LRRC3B: variants seen among roughly 807,000 people sequenced by gnomAD.
The protein encoded by LRRC3B is leucine-rich repeat-containing protein 3B.
A neutral mutation model predicts 12.8 loss-of-function variants in LRRC3B; 2 were observed. That is an observed-to-expected ratio of 0.16 (90% CI 0.06 to 0.49). The LOEUF (loss-of-function observed/expected upper bound fraction) is 0.49. Ranked by LOEUF, LRRC3B falls within the 20% of genes least tolerant of loss-of-function variation. The pLI, the probability that LRRC3B is intolerant of heterozygous loss-of-function variation, is 0.96. For synonymous variants in LRRC3B, 132 were observed against 122.0 expected (o/e 1.08, Z -0.54); for missense variants, 189 against 319.4 (o/e 0.59, Z 3.11).
rs181326774 is a variant in LRRC3B, at chr3:26,672,621, G to A, written c.-160-36892G>A. 3.3e-5 allele frequency among the ~76,000 whole-genome samples: 5 copies of A among 152,244 alleles called. No individual in the cohort carries two copies. In the East Asian group the frequency reaches 7.7e-4, roughly 23 times the overall value. On this transcript the variant is annotated intron_variant, in intron 1 of 1. Coordinates refer to ENST00000396641, the Ensembl canonical transcript of LRRC3B. ...GTAATAACCATTTTTATTGTTAAACGTAAAATCTCAAATTTATTATCCAGT... is the reference window on the plus strand; with the variant it reads ...GTAATAACCATTTTTATTGTTAAACATAAAATCTCAAATTTATTATCCAGT...
At chr3:26,704,658 T>G (rs1700540870) in intron 1 of LRRC3B, among the ~76,000 whole-genome samples, 1 of 152,110 alleles carries the variant, frequency 6.6e-6, no homozygotes, top group Non-Finnish European at 1.5e-5. Context: ...CCTCAATCTA[T>G]CTCATAAGTA....
chr3:26,689,709 GT>G (rs374432853), intron 1 of LRRC3B, among the ~76,000 whole-genome samples: 11 of 152,258 alleles, frequency 7.2e-5, no homozygotes, highest in African/African-American at 2.6e-4. Flanking sequence ...GGACTTTTAG[GT>G]TCTTGAGAGG....
chr3:26,644,800 A>G (rs1699107410), intron 1 of LRRC3B, among the ~76,000 whole-genome samples: 1 of 152,190 alleles, frequency 6.6e-6, no homozygotes, highest in African/African-American at 2.4e-5. Context: ...GTCTTAAGAG[A>G]TTCATATTGA....
At chr3:26,666,149 C>T (rs1024365181) in intron 1 of LRRC3B, among the ~76,000 whole-genome samples, 41 of 152,044 alleles carry the variant, frequency 2.7e-4, no homozygotes, top group Middle Eastern at 6.8e-3. Flanking sequence ...TGCAAGAGTA[C>T]TGAGTATGAT....
intron 1 of LRRC3B, among the ~76,000 whole-genome samples, chr3:26,663,220 A>G (rs1228165480): frequency 6.6e-6 from 1 of 152,150 alleles, no homozygotes; most frequent in Admixed American, 6.5e-5. Flanking sequence ...TTTTTGTGCC[A>G]GAGTTAGGTA....
intron 1 of LRRC3B, among the ~76,000 whole-genome samples, chr3:26,700,850 CT>C (rs1700435886): frequency 6.6e-6 from 1 of 152,148 alleles, no homozygotes; most frequent in Admixed American, 6.6e-5. Context: ...TATATAACCT[CT>C]TTAAGCCTCA....
chr3:26,708,693 A>G (rs1327942540), intron 1 of LRRC3B, among the ~76,000 whole-genome samples: 4 of 152,214 alleles, frequency 2.6e-5, no homozygotes, highest in African/African-American at 9.6e-5. Context: ...CCCTGCCAAC[A>G]CTAACAGTAT....
chr3:26,627,343 C>T (rs984514647), intron 1 of LRRC3B, among the ~76,000 whole-genome samples: 7 of 152,138 alleles, frequency 4.6e-5, no homozygotes, highest in Non-Finnish European at 1.0e-4. Context: ...ATCAGATCAG[C>T]GGGGCAAGAG....
intron 1 of LRRC3B, among the ~76,000 whole-genome samples, chr3:26,702,632 G>A (rs1309323512): frequency 1.3e-5 from 2 of 152,116 alleles, no homozygotes; most frequent in South Asian, 2.1e-4. Flanking sequence ...ATGAACCATC[G>A]GGAGTCATTA....
intron 1 of LRRC3B, among the ~76,000 whole-genome samples, chr3:26,700,499 A>G (rs1700426979): frequency 6.6e-6 from 1 of 152,160 alleles, no homozygotes; most frequent in Non-Finnish European, 1.5e-5. Flanking sequence ...ATTAACATAG[A>G]GACTAATAAT....
chr3:26,686,126 C>T (rs1450966215), intron 1 of LRRC3B, among the ~76,000 whole-genome samples: 6 of 151,898 alleles, frequency 4.0e-5, no homozygotes, highest in South Asian at 4.2e-4. Context: ...GTCACCCAGG[C>T]GGGAGTGCAG....
chr3:26,629,710 T>C (rs1364124068), intron 1 of LRRC3B, among the ~76,000 whole-genome samples: 3 of 152,208 alleles, frequency 2.0e-5, no homozygotes, highest in Non-Finnish European at 4.4e-5. Flanking sequence ...TGCTATGTGT[T>C]GTGTGGTTTT....
chr3:26,675,490 A>G (rs969578423), intron 1 of LRRC3B, among the ~76,000 whole-genome samples: 1 of 152,196 alleles, frequency 6.6e-6, no homozygotes, highest in African/African-American at 2.4e-5. Context: ...TTAATTCTCA[A>G]CTTCTTTCAG....
At chr3:26,640,861 G>T (rs1268106770) in intron 1 of LRRC3B, among the ~76,000 whole-genome samples, 2 of 152,182 alleles carry the variant, frequency 1.3e-5, no homozygotes, top group Non-Finnish European at 2.9e-5. Flanking sequence ...TCCAGGAAAG[G>T]TCAAATTGGT....
chr3:26,701,447 A>C (rs77835550), intron 1 of LRRC3B, among the ~76,000 whole-genome samples: 1,732 of 152,184 alleles, frequency 0.011, 32 homozygotes, highest in African/African-American at 0.038. Context: ...CTTGCTCGAA[A>C]TCTAAGCATC....
rs1040733207 is a variant in LRRC3B, at chr3:26,662,749, C to G, written c.-161+39512C>G. ...TCCTACCACTGCTTCTTCTTGTCAC[C>G]TTGCCACCAACTCAGCCCACTTCTT... On this transcript the variant is annotated intron_variant, in intron 1 of 1. Transcript: ENST00000396641. 2.6e-5 allele frequency among the ~76,000 whole-genome samples: 4 copies of G among 152,106 alleles called. No homozygotes were observed. The East Asian group carries it at 7.7e-4, about 29-fold the overall frequency.
At chr3:26,648,912 C>T (rs1183229744) in intron 1 of LRRC3B, among the ~76,000 whole-genome samples, 1 of 152,182 alleles carries the variant, frequency 6.6e-6, no homozygotes, top group Non-Finnish European at 1.5e-5. Flanking sequence ...TTACATTCCT[C>T]CCTTGAGGCA....
chr3:26,648,157 A>G (rs1699191469), intron 1 of LRRC3B, among the ~76,000 whole-genome samples: 1 of 152,034 alleles, frequency 6.6e-6, no homozygotes, highest in African/African-American at 2.4e-5. Context: ...TTCAGGCTTC[A>G]ACCAAGATGT....
intron 1 of LRRC3B, among the ~76,000 whole-genome samples, chr3:26,691,327 G>A (rs1330504800): frequency 3.3e-5 from 5 of 151,834 alleles, no homozygotes; most frequent in African/African-American, 1.2e-4. Context: ...CAAATTGGAG[G>A]GGTAGTTATT....
Sources: gnomAD v4.1 joint callset for allele counts (sites outside exome capture counted in the v4.1 genomes callset) on GRCh38, gnomAD v4.1.1 for gene constraint, MANE v1.5 for transcripts, NCBI Gene and HGNC (gene_info 2026-07-23, HGNC 2026-07-21) for gene names.